Variants in PCDHGA5 observed in about 807,000 individuals in gnomAD.
The protein encoded by PCDHGA5 is protocadherin gamma-A5.
A neutral mutation model predicts 56.7 loss-of-function variants in PCDHGA5; 36 were observed. The ratio of observed to expected loss-of-function variants is 0.64; its 90% CI spans 0.49 to 0.84. The LOEUF (loss-of-function observed/expected upper bound fraction) is 0.84, where lower values mean the gene tolerates loss of function less well. Ranked by LOEUF, PCDHGA5 falls within the 40% of genes least tolerant of loss-of-function variation. The pLI, the probability that PCDHGA5 is intolerant of heterozygous loss-of-function variation, is 0.00. For synonymous variants in PCDHGA5, 563 were observed against 520.2 expected, an observed-to-expected ratio of 1.08 and a Z score of -1.12; for missense variants, 1,305 against 1,201.5, an observed-to-expected ratio of 1.09 and a Z score of -1.27.
In PCDHGA5 at chr5:141,404,188, A is replaced by C. The variant is rs1001365354; in HGVS notation, c.2421+37437A>C. On this transcript the variant is annotated intron_variant, in intron 1 of 3. Transcript: ENST00000518069. Reference sequence around the variant, plus strand: ...TGTTGACGGCCCAAATTCTTGACCGAGAAAAAGCCTCAGAATATAATATCA... The same window carrying C: ...TGTTGACGGCCCAAATTCTTGACCGCGAAAAAGCCTCAGAATATAATATCA... 3.7e-6 allele frequency: 6 copies of C among 1,613,398 alleles called. No individual in the cohort carries two copies. The African/African-American group carries it at 5.3e-5, about 14-fold the overall frequency.
intron 1 of PCDHGA5, among the ~76,000 whole-genome samples, chr5:141,460,369 T>C (rs1048970945): frequency 2.1e-4 from 32 of 152,322 alleles, no homozygotes; most frequent in African/African-American, 7.7e-4. Flanking sequence ...AGTTTTATAG[T>C]TTTACCATTT....
At chr5:141,384,942 C>T (rs769507654) in intron 1 of PCDHGA5, 10 of 1,613,874 alleles carry the variant, frequency 6.2e-6, no homozygotes, top group African/African-American at 2.7e-5. Flanking sequence ...TTGAGCCCTC[C>T]GACGGTCCTT....
chr5:141,505,653 G>A (rs1049630228), intron 3 of PCDHGA5, among the ~76,000 whole-genome samples, 172 bp downstream of exon 3: 1 of 152,184 alleles, frequency 6.6e-6, no homozygotes, highest in Non-Finnish European at 1.5e-5. Context: ...TTGTGGCTAA[G>A]GAACAGCAGA....
intron 1 of PCDHGA5, among the ~76,000 whole-genome samples, chr5:141,452,284 C>G (rs1182155879): frequency 6.6e-6 from 1 of 152,112 alleles, no homozygotes; most frequent in Non-Finnish European, 1.5e-5. Context: ...TTCTTACTTT[C>G]TGATATAAGA....
Position 141,476,752 on chromosome 5 carries a change from A to T in PCDHGA5, c.2422-18055A>T, listed in dbSNP as rs771355583. On this transcript the variant is annotated intron_variant, in intron 1 of 3. Coordinates refer to ENST00000518069, the MANE Select transcript of PCDHGA5 (RefSeq NM_018918.3). This position sits in a 1 kb window ranked among gnomAD's most constrained non-coding sequence, Gnocchi z 7.6. ...GAGAACGGGAGCCTAGTCTCCAGTTAGTGCTGACGGCGTTGGACGGAGGGA... is the reference window on the plus strand; with the variant it reads ...GAGAACGGGAGCCTAGTCTCCAGTTTGTGCTGACGGCGTTGGACGGAGGGA... 1.2e-6 allele frequency: 2 copies of T among 1,613,926 alleles called. No individual in the cohort carries two copies. Among genetic ancestry groups the T allele is most frequent in the South Asian group, 2.2e-5 (2 of 91,080 alleles).
rs941528168 is a variant in PCDHGA5, at chr5:141,476,433, T to C, written c.2422-18374T>C. 2 of 1,614,094 alleles carry C rather than the reference T, an allele frequency of 1.2e-6. No individual in the cohort carries two copies. The highest frequency in any genetic ancestry group is 2.2e-5 in the East Asian group (1 of 44,856). ...TGTGGGACACTGCCCTCTTGCACTGTAACTCTGGAGTTGGTAGTGGAGAAC... is the reference window on the plus strand; with the variant it reads ...TGTGGGACACTGCCCTCTTGCACTGCAACTCTGGAGTTGGTAGTGGAGAAC... On this transcript the variant is annotated intron_variant, in intron 1 of 3. Coordinates refer to ENST00000518069, the MANE Select transcript of PCDHGA5 (RefSeq NM_018918.3). This position sits in a 1 kb window ranked among gnomAD's most constrained non-coding sequence, Gnocchi z 7.6.
In PCDHGA5 at chr5:141,420,282, T is replaced by C. The variant is rs543435018; in HGVS notation, c.2421+53531T>C. 2.1e-5 allele frequency: 31 copies of C among 1,510,188 alleles called. No homozygotes were observed. In the African/African-American group the frequency reaches 4.0e-4, roughly 20 times the overall value. 93.5% of individuals were successfully genotyped at this position (1,510,188 alleles called of 1,614,324 possible). On this transcript the variant is annotated intron_variant, in intron 1 of 3. Coordinates refer to ENST00000518069, the MANE Select transcript of PCDHGA5 (RefSeq NM_018918.3). ...AAGAAGATTCTTAAACAGGTAAGTA[T>C]TTAAAAATGTATTTAATCCTTTTTA...
intron 1 of PCDHGA5, among the ~76,000 whole-genome samples, chr5:141,433,465 C>T (rs1386201581): frequency 6.6e-6 from 1 of 152,060 alleles, no homozygotes; most frequent in Non-Finnish European, 1.5e-5. Context: ...GAAACTTGGG[C>T]TCAGGCTAGC....
intron 1 of PCDHGA5, chr5:141,370,924 A>C: frequency 6.2e-7 from 1 of 1,613,968 alleles, no homozygotes; most frequent in Non-Finnish European, 8.5e-7. Context: ...CCTGATCCGC[A>C]CTTCTCTTTG....
intron 1 of PCDHGA5, among the ~76,000 whole-genome samples, chr5:141,434,340 G>A (rs2097687601): frequency 6.6e-6 from 1 of 152,150 alleles, no homozygotes; most frequent in Non-Finnish European, 1.5e-5. Context: ...TTTGTGTCGG[G>A]AACAGGCCCC....
rs758170088 is a variant in PCDHGA5, at chr5:141,366,258, TG to T, written c.1930del (p.Val644TrpfsTer32). On this transcript the variant is annotated frameshift_variant, in exon 1 of 4. Transcript: ENST00000518069. LOFTEE classifies it high-confidence loss of function. ...LDRDALKQSL[V>X]VAVEDHGQPP... Reference sequence around the variant, plus strand: ...AGAGACGCGCTCAAGCAGAGCCTCGTGGTGGCCGTCGAAGACCATGGCCAGC... The same window carrying T: ...AGAGACGCGCTCAAGCAGAGCCTCGTGTGGCCGTCGAAGACCATGGCCAGC... The T allele has an allele frequency of 9.9e-6, 16 of 1,613,596 alleles. No individual in the cohort carries two copies. Among genetic ancestry groups the T allele is most frequent in the Non-Finnish European group, 1.4e-5 (16 of 1,180,030 alleles).
In PCDHGA5 at chr5:141,428,860, CTT is replaced by C. The variant is rs34152666; in HGVS notation, c.2421+62121_2421+62122del. On this transcript the variant is annotated intron_variant, in intron 1 of 3. Transcript: ENST00000518069. The stretch of plus-strand genomic sequence containing the variant: ...ACATTTTCACCATTTTTACGGGAGA[CTT>C]TTTTTTTTTTTGGACGGAGTCTCGC... The C allele has an allele frequency of 7.4e-3, 1,070 of 145,506 alleles. 4 individuals carry two copies. Among genetic ancestry groups the C allele is most frequent in the South Asian group, 0.018 (82 of 4,566 alleles). 9.0% of individuals were successfully genotyped at this position (145,506 alleles called of 1,614,324 possible).
intron 1 of PCDHGA5, chr5:141,408,741 T>C: frequency 6.2e-7 from 1 of 1,610,092 alleles, no homozygotes; most frequent in Non-Finnish European, 8.5e-7. Context: ...TATTTTTCAT[T>C]AATGGTTAGA....
In PCDHGA5 at chr5:141,372,691, A is replaced by G. The variant is rs780199454; in HGVS notation, c.2421+5940A>G. The G allele has an allele frequency of 9.3e-6, 15 of 1,613,914 alleles. No homozygotes were observed. In the Admixed American group the frequency reaches 1.2e-4, roughly 13 times the overall value. ...TCACATTCCTCAAACACCGAGTTTA[A>G]ATTTCTCAATATAAAGGCTGAAAAT... On this transcript the variant is annotated intron_variant, in intron 1 of 3. Transcript: ENST00000518069.
At chr5:141,400,819 C>A (rs1316119038) in intron 1 of PCDHGA5, among the ~76,000 whole-genome samples, 1 of 152,132 alleles carries the variant, frequency 6.6e-6, no homozygotes, top group African/African-American at 2.4e-5. Flanking sequence ...TTTACCTATT[C>A]GTTGTCTCAT....
chr5:141,410,023 C>T (rs1172248089), intron 1 of PCDHGA5: 1 of 1,613,310 alleles, frequency 6.2e-7, no homozygotes, highest in South Asian at 1.1e-5. Flanking sequence ...TGTCCTACCA[C>T]GTGCTGCAGG....
chr5:141,365,363 CCCGAAG>C lies in PCDHGA5; in HGVS notation c.1034_1039del (p.Pro345_Val347delinsLeu). ...AGTACAGGACGTGAATGACAATGCCCCCGAAGTGATCCTCACCTCTCTGACCAGTTC... is the reference window on the plus strand; with the variant it reads ...AGTACAGGACGTGAATGACAATGCCCTGATCCTCACCTCTCTGACCAGTTC... On this transcript the variant is annotated inframe_deletion, in exon 1 of 4. Coordinates refer to ENST00000518069, the MANE Select transcript of PCDHGA5 (RefSeq NM_018918.3). The C allele has an allele frequency of 6.2e-7, 1 of 1,613,782 alleles. No individual in the cohort carries two copies. Among genetic ancestry groups the C allele is most frequent in the African/African-American group, 1.3e-5 (1 of 74,886 alleles).
In PCDHGA5 at chr5:141,476,218, C is replaced by G. The variant is rs1562052166; in HGVS notation, c.2422-18589C>G. On this transcript the variant is annotated intron_variant, in intron 1 of 3. Transcript: ENST00000518069. The surrounding 1 kb of genome is among the most constrained non-coding windows in gnomAD (Gnocchi z 7.6). ...TGAACAAGGCTTCCACGGTCATTCA[C>G]TATGAGATCCCGGAGGAAAGAGAGA... is the stretch of plus-strand genomic sequence containing the variant. 1 of 1,613,984 alleles carries G rather than the reference C, an allele frequency of 6.2e-7. No homozygotes were observed.
At chr5:141,469,833 TTA>T (rs1343669772) in intron 1 of PCDHGA5, among the ~76,000 whole-genome samples, 2 of 152,054 alleles carry the variant, frequency 1.3e-5, no homozygotes, top group Non-Finnish European at 2.9e-5. Flanking sequence ...CACATAAAAC[TTA>T]TTCTTAAGAT....
Sources: allele counts gnomAD v4.1 joint callset (sites outside exome capture counted in the v4.1 genomes callset), GRCh38; gene constraint gnomAD v4.1.1; non-coding constraint Gnocchi (gnomAD v3.1); transcripts MANE v1.5; gene names NCBI Gene and HGNC (gene_info 2026-07-23, HGNC 2026-07-21).